The following PXDNL variants were observed in gnomAD, a reference collection of about 807,000 sequenced individuals.
PXDNL encodes peroxidasin like.
Under a neutral mutation model 150.8 loss-of-function variants are expected in PXDNL, and 145 were observed. The ratio of observed to expected loss-of-function variants is 0.96; its 90% CI spans 0.84 to 1.10. The LOEUF (loss-of-function observed/expected upper bound fraction) is 1.10, where lower values mean the gene tolerates loss of function less well. Among genes scored for constraint, PXDNL ranks in the 50% least tolerant of loss-of-function variants. The pLI is 0.00. For synonymous variants in PXDNL, 757 were observed against 725.7 expected (o/e 1.04, Z -0.69); for missense variants, 2,087 against 1,873.9 (o/e 1.11, Z -2.10).
intron 12 of PXDNL, among the ~76,000 whole-genome samples, chr8:51,431,375 G>A (rs929912408): frequency 1.3e-5 from 2 of 151,938 alleles, no homozygotes; most frequent in African/African-American, 2.4e-5. Context: ...TGGTTTCTTC[G>A]AAAACAAAAA....
chr8:51,432,313 A>G (rs1057094620), intron 12 of PXDNL, among the ~76,000 whole-genome samples: 1 of 152,166 alleles, frequency 6.6e-6, no homozygotes, highest in African/African-American at 2.4e-5. Flanking sequence ...CCTTGAGCCA[A>G]CCATACAATA....
intron 5 of PXDNL, among the ~76,000 whole-genome samples, chr8:51,491,543 A>G (rs1173380105): frequency 6.6e-6 from 1 of 152,210 alleles, no homozygotes; most frequent in Non-Finnish European, 1.5e-5. Flanking sequence ...CTGCCTTCCA[A>G]GCCCGCTGAT....
At chr8:51,437,204 T>C (rs186922286) in intron 12 of PXDNL, among the ~76,000 whole-genome samples, 2 of 152,198 alleles carry the variant, frequency 1.3e-5, no homozygotes, top group East Asian at 3.9e-4. Flanking sequence ...AACACAGTAA[T>C]AAAAAATTTG....
intron 17 of PXDNL, among the ~76,000 whole-genome samples, chr8:51,393,944 T>C (rs1055019580): frequency 6.6e-6 from 1 of 152,192 alleles, no homozygotes; most frequent in African/African-American, 2.4e-5. Flanking sequence ...AGGCATCTAT[T>C]TTATGGTAAT....
At chr8:51,335,936 A>G (rs1426701461) in intron 21 of PXDNL, among the ~76,000 whole-genome samples, 3 of 152,214 alleles carry the variant, frequency 2.0e-5, no homozygotes, top group Non-Finnish European at 4.4e-5. Context: ...CATCATGGTG[A>G]TAAATCAAGA....
At chr8:51,531,080 A>C (rs749378969) in intron 4 of PXDNL, among the ~76,000 whole-genome samples, 3 of 152,228 alleles carry the variant, frequency 2.0e-5, no homozygotes, top group Non-Finnish European at 2.9e-5. Flanking sequence ...ACTTTAAAGC[A>C]GTCTGTGAGC....
At chr8:51,607,029 T>G (rs35086364) in intron 2 of PXDNL, among the ~76,000 whole-genome samples, 2 of 152,246 alleles carry the variant, frequency 1.3e-5, no homozygotes, top group South Asian at 4.1e-4. Flanking sequence ...TCATGCAAAG[T>G]AAAACTTATG....
chr8:51,638,874 C>A lies in PXDNL; in HGVS notation c.236+15815G>T, dbSNP rs917948471. Among the ~76,000 whole-genome samples, 14 of 152,162 alleles carry A rather than the reference C, an allele frequency of 9.2e-5. No homozygotes were observed. The East Asian group carries it at 2.7e-3, about 29-fold the overall frequency. ...ACCTAATAGACATCTACAGAACTCT[C>A]CACCCCAAATCAACAGAATATACAT... On this transcript the variant is annotated intron_variant, in intron 2 of 22. Coordinates refer to ENST00000356297, the MANE Select transcript of PXDNL (RefSeq NM_144651.5).
chr8:51,320,753 G>GA, intron 22 of PXDNL, 31 bp downstream of exon 22: 1 of 1,331,634 alleles, frequency 7.5e-7, no homozygotes, highest in South Asian at 1.2e-5. Flanking sequence ...AGTGAAATGG[G>GA]GAGTTGGACT....
At chr8:51,672,066 T>C (rs1053235452) in intron 1 of PXDNL, among the ~76,000 whole-genome samples, 1 of 152,162 alleles carries the variant, frequency 6.6e-6, no homozygotes, top group South Asian at 2.1e-4. Context: ...ACCACAAAAT[T>C]CGCCTCCCAG....
chr8:51,321,805 G>C (rs1639612516), intron 21 of PXDNL, among the ~76,000 whole-genome samples: 1 of 152,124 alleles, frequency 6.6e-6, no homozygotes, highest in Non-Finnish European at 1.5e-5. Flanking sequence ...ATAGCAGTGT[G>C]AGAATGAACT....
At chr8:51,515,396 T>A (rs1307105104) in intron 4 of PXDNL, among the ~76,000 whole-genome samples, 2 of 152,108 alleles carry the variant, frequency 1.3e-5, no homozygotes, top group African/African-American at 2.4e-5. Flanking sequence ...AACACATACC[T>A]GATAGTTCTG....
At chr8:51,636,875 A>C (rs1325812137) in intron 2 of PXDNL, among the ~76,000 whole-genome samples, 1 of 151,872 alleles carries the variant, frequency 6.6e-6, no homozygotes, top group Admixed American at 6.6e-5. Context: ...GTGAGATCTG[A>C]GAATGGACAG....
Position 51,625,189 on chromosome 8 carries a change from C to G in PXDNL, c.236+29500G>C, listed in dbSNP as rs763024354. 5.3e-4 allele frequency among the ~76,000 whole-genome samples: 81 copies of G among 152,158 alleles called. 1 individual carries two copies. The highest frequency in any genetic ancestry group is 1.0e-3 in the Non-Finnish European group (69 of 68,002). On this transcript the variant is annotated intron_variant, in intron 2 of 22. Transcript: ENST00000356297. ...GCACATAAGCTCTTGCATAAGTCAC[C>G]CAACATCTGCTCCCAGGGAAAATGA...
At chr8:51,592,216 G>A (rs904628806) in intron 3 of PXDNL, among the ~76,000 whole-genome samples, 1 of 152,158 alleles carries the variant, frequency 6.6e-6, no homozygotes, top group African/African-American at 2.4e-5. Context: ...CTAACTAACT[G>A]TAATGTGTTC....
chr8:51,504,165 G>A (rs1016513460), intron 4 of PXDNL, among the ~76,000 whole-genome samples: 3 of 152,014 alleles, frequency 2.0e-5, no homozygotes, highest in African/African-American at 7.2e-5. Flanking sequence ...TTCCACACTA[G>A]AGCAAACTAT....
chr8:51,557,490 C>T (rs1052810137), intron 3 of PXDNL, among the ~76,000 whole-genome samples: 1 of 152,080 alleles, frequency 6.6e-6, no homozygotes, highest in Admixed American at 6.6e-5. Context: ...CTTTCTCCAT[C>T]GTTTTTCTTC....
intron 1 of PXDNL, among the ~76,000 whole-genome samples, chr8:51,806,142 C>A (rs17196300): frequency 0.062 from 9,402 of 152,196 alleles, 381 homozygotes; most frequent in Non-Finnish European, 0.088. Context: ...AAACTTAAAA[C>A]CCTGATCAAC....
chr8:51,415,861 T>C (rs1421638131), intron 14 of PXDNL, among the ~76,000 whole-genome samples: 1 of 152,164 alleles, frequency 6.6e-6, no homozygotes, highest in Non-Finnish European at 1.5e-5. Flanking sequence ...AATTAATTAG[T>C]TAACCAATTG....
Sources: allele counts gnomAD v4.1 joint callset (sites outside exome capture counted in the v4.1 genomes callset), GRCh38; gene constraint gnomAD v4.1.1; transcripts MANE v1.5; gene names NCBI Gene and HGNC (gene_info 2026-07-23, HGNC 2026-07-21).